Variants in WDR93 observed in about 807,000 individuals in gnomAD.
WDR93 encodes WD repeat-containing protein 93.
In WDR93, 73 loss-of-function variants were observed where a neutral mutation model predicts 82.9. That is an observed-to-expected ratio of 0.88 (90% CI 0.73 to 1.07). WDR93 has a LOEUF of 1.07. WDR93 is among the 50% of genes least tolerant of loss of function. The pLI is 0.00. For missense variants in WDR93, 738 were observed against 826.0 expected, an observed-to-expected ratio of 0.89 and a Z score of 1.31; for synonymous variants, 283 against 300.1, an observed-to-expected ratio of 0.94 and a Z score of 0.59.
In WDR93 at chr15:89,730,819, G is replaced by C. The variant is rs577994792; in HGVS notation, c.1211-624G>C. Among the ~76,000 whole-genome samples the C allele has an allele frequency of 2.8e-4, 43 of 152,118 alleles. 1 individual carries two copies. In the South Asian group the frequency reaches 6.2e-3, roughly 22 times the overall value. ...GAGGATCACTTGAGCCCAGGAGTTT[G>C]AGGCTGCAGTGAGCCAAGGTTGCAC... On this transcript the variant is annotated intron_variant, in intron 11 of 16. Transcript: ENST00000268130.
chr15:89,722,249 C>A, intron 8 of WDR93, 110 bp downstream of exon 8: 1 of 971,174 alleles, frequency 1.0e-6, no homozygotes, highest in Non-Finnish European at 1.5e-6. Flanking sequence ...AAATTACAAA[C>A]ATAGTTATGA....
At chr15:89,714,626 A>G (rs1966158686) in intron 5 of WDR93, among the ~76,000 whole-genome samples, 1 of 151,932 alleles carries the variant, frequency 6.6e-6, no homozygotes, top group Non-Finnish European at 1.5e-5. Context: ...CCGGCCCCAT[A>G]TTTTTTTTAA....
intron 5 of WDR93, among the ~76,000 whole-genome samples, chr15:89,712,455 T>C (rs1404647480): frequency 1.3e-5 from 2 of 148,920 alleles, no homozygotes; most frequent in African/African-American, 5.0e-5. Flanking sequence ...ATATTATATT[T>C]AGTCATTGTG....
intron 7 of WDR93, among the ~76,000 whole-genome samples, chr15:89,718,536 G>A (rs1484779084): frequency 6.6e-6 from 1 of 152,102 alleles, no homozygotes. Context: ...ACTGAGGTGG[G>A]TGGATGGCTT....
chr15:89,691,617 G>T (rs905643222), intron 1 of WDR93, among the ~76,000 whole-genome samples: 1 of 152,206 alleles, frequency 6.6e-6, no homozygotes, highest in Non-Finnish European at 1.5e-5. Flanking sequence ...CTACTCGGGA[G>T]GCTGAGGCAG....
intron 8 of WDR93, among the ~76,000 whole-genome samples, chr15:89,723,618 A>G (rs528653730): frequency 6.6e-6 from 1 of 152,362 alleles, no homozygotes; most frequent in South Asian, 2.1e-4. Context: ...ATAGAAATAT[A>G]GATAGATAGA....
intron 13 of WDR93, among the ~76,000 whole-genome samples, chr15:89,734,837 T>C (rs1417851253): frequency 6.6e-6 from 1 of 151,684 alleles, no homozygotes; most frequent in Admixed American, 6.6e-5. Flanking sequence ...GAACAAAAAT[T>C]ATTAAAAAAA....
upstream of WDR93, chr15:89,690,558 C>T (rs768879552): frequency 1.3e-6 from 2 of 1,547,298 alleles, no homozygotes; most frequent in Non-Finnish European, 1.7e-6. Context: ...GGGGCGGAGG[C>T]CGCTGGCACC....
chr15:89,696,769 A>C (rs1490879129), intron 1 of WDR93, among the ~76,000 whole-genome samples: 1 of 152,030 alleles, frequency 6.6e-6, no homozygotes, highest in Admixed American at 6.6e-5. Context: ...TGCTCGGATG[A>C]TAGGTTAGTT....
intron 11 of WDR93, among the ~76,000 whole-genome samples, chr15:89,730,261 GT>G (rs543473972): frequency 6.7e-4 from 100 of 150,014 alleles, no homozygotes; most frequent in Non-Finnish European, 1.1e-3. Flanking sequence ...GGAGGCAGAG[GT>G]TGCAGTGAGC....
rs1188380253 is a variant in WDR93, at chr15:89,728,903, T to C, written c.1053-120T>C. 9 of 863,774 alleles carry C rather than the reference T, an allele frequency of 1.0e-5. No homozygotes were observed. In the African/African-American group the frequency reaches 1.3e-4, roughly 13 times the overall value. The allele number at this position is 863,774 out of a possible 1,614,324, so 53.5% of individuals were successfully genotyped here. ...TAGAATGTGATGTGCTTCATGGCCT[T>C]CTTACCCCTGGGAAGGTCCATTCTA... On this transcript the variant is annotated intron_variant, in intron 9 of 16. Coordinates refer to ENST00000268130, the MANE Select transcript of WDR93 (RefSeq NM_020212.2).
intron 8 of WDR93, among the ~76,000 whole-genome samples, chr15:89,724,248 G>C (rs117470905): frequency 6.6e-6 from 1 of 152,010 alleles, no homozygotes; most frequent in Non-Finnish European, 1.5e-5. Context: ...AGGTTAAAGC[G>C]GGAGAATTGC....
At position 89,701,873 on chromosome 15, in the gene WDR93, C is replaced by T; in HGVS notation, c.127C>T (p.Leu43Phe). 1 of 1,614,226 alleles carries T rather than the reference C, an allele frequency of 6.2e-7. No homozygotes were observed. The highest frequency in any genetic ancestry group is 8.5e-7 in the Non-Finnish European group (1 of 1,180,042). ...WPKDDEQDHV[L>F]VDPDEELDSL... ...TAAAGACGATGAACAGGATCATGTC[C>T]TCGTGGATCCAGATGAGGAGCTGGA... The change falls in exon 2 of 17, where the codon CTC (leucine) becomes TTC (phenylalanine). Residue 43 changes from leucine (L) to phenylalanine (F), a missense_variant. Physicochemically the swap from Leu to Phe is conservative, Grantham distance 22. Transcript: ENST00000268130.
At position 89,738,176 on chromosome 15, in the gene WDR93, A is replaced by G; in HGVS notation, c.1901A>G (p.Asn634Ser). The G allele has an allele frequency of 6.2e-7, 1 of 1,614,166 alleles. No homozygotes were observed. Among genetic ancestry groups the G allele is most frequent in the Non-Finnish European group, 8.5e-7 (1 of 1,180,002 alleles). ...ACCATTCCTCAAAGGGACTTGGATA[A>G]CATGGCCTTCCCCCAAGCACTGCCA... ...NCTIPQRDLD[N>S]MAFPQALPLE... is the part of the protein sequence containing the mutation. The change falls in exon 16 of 17, where the codon AAC becomes AGC. Residue 634 changes from asparagine (N) to serine (S), a missense_variant. Transcript: ENST00000268130.
At chr15:89,700,877 A>G (rs1965427086) in intron 1 of WDR93, among the ~76,000 whole-genome samples, 1 of 152,050 alleles carries the variant, frequency 6.6e-6, no homozygotes, top group South Asian at 2.1e-4. Flanking sequence ...AATTTTCTGA[A>G]GTAAAGATTA....
intron 7 of WDR93, among the ~76,000 whole-genome samples, chr15:89,717,439 A>G (rs993871316): frequency 6.6e-6 from 1 of 152,282 alleles, no homozygotes; most frequent in Non-Finnish European, 1.5e-5. Context: ...ACTATTTTCA[A>G]TTCTCAGTGA....
chr15:89,717,815 A>G lies in WDR93; in HGVS notation c.795+866A>G, dbSNP rs952271024. On this transcript the variant is annotated intron_variant, in intron 7 of 16. Coordinates refer to ENST00000268130, the MANE Select transcript of WDR93 (RefSeq NM_020212.2). ...TATGAATCCTGGATTTGCCTCTACC[A>G]AAATAACAGCCCAATTCACCAAGCC... 2.6e-4 allele frequency among the ~76,000 whole-genome samples: 40 copies of G among 152,162 alleles called. 1 individual carries two copies. The highest frequency in any genetic ancestry group is 1.2e-3 in the Admixed American group (18 of 15,278).
chr15:89,722,666 G>A (rs1316066825), intron 8 of WDR93, among the ~76,000 whole-genome samples: 3 of 152,134 alleles, frequency 2.0e-5, no homozygotes, highest in African/African-American at 4.8e-5. Flanking sequence ...GGTAAGAAGC[G>A]ACTGACTTGC....
At chr15:89,705,295 T>C (rs1026147087) in intron 3 of WDR93, 1 of 482,794 alleles carries the variant, frequency 2.1e-6, no homozygotes, top group Non-Finnish European at 3.7e-6. Flanking sequence ...GTAGCCCATG[T>C]CTTACAGGAG....
Sources: allele counts gnomAD v4.1 joint callset (sites outside exome capture counted in the v4.1 genomes callset), GRCh38; gene constraint gnomAD v4.1.1; transcripts MANE v1.5; gene names NCBI Gene and HGNC (gene_info 2026-07-23, HGNC 2026-07-21).